GALNT7: variants seen among roughly 807,000 people sequenced by gnomAD.
GALNT7 encodes the protein N-acetylgalactosaminyltransferase 7.
Under a neutral mutation model 82.1 loss-of-function variants are expected in GALNT7, and 60 were observed. The observed-to-expected ratio is 0.73, with a 90% confidence interval of 0.59 to 0.91. The LOEUF is 0.91. Among genes scored for constraint, GALNT7 ranks in the 40% least tolerant of loss-of-function variants. The pLI is 0.00. For missense variants in GALNT7, 660 were observed against 804.2 expected, an observed-to-expected ratio of 0.82 and a Z score of 2.17; for synonymous variants, 243 against 275.1, an observed-to-expected ratio of 0.88 and a Z score of 1.15.
chr4:173,184,248 G>A (rs940850137), intron 1 of GALNT7, among the ~76,000 whole-genome samples: 16 of 152,160 alleles, frequency 1.1e-4, no homozygotes, highest in Admixed American at 5.2e-4. Context: ...CAAGGCAGGC[G>A]GCTGGGAGGT....
At chr4:173,226,622 C>G (rs1278086423) in intron 1 of GALNT7, among the ~76,000 whole-genome samples, 1 of 152,188 alleles carries the variant, frequency 6.6e-6, no homozygotes. Context: ...TCACTCTCAG[C>G]TTGCTGGCTG....
chr4:173,302,029 AGT>A lies in GALNT7; in HGVS notation c.1149-15_1149-14del. ...GGGGTTTGTCTGTAATGGTTATTGCAGTGTTTCTTTTTCTTAGGTCCCCAGCC... is the reference window on the plus strand; with the variant it reads ...GGGGTTTGTCTGTAATGGTTATTGCAGTTTCTTTTTCTTAGGTCCCCAGCC... On this transcript the variant is annotated splice_polypyrimidine_tract_variant and intron_variant, in intron 6 of 11. Transcript: ENST00000265000. This position sits in a 1 kb window ranked among gnomAD's most constrained non-coding sequence, Gnocchi z 4.2. The A allele has an allele frequency of 9.0e-7, 1 of 1,105,818 alleles. No individual in the cohort carries two copies. The highest frequency in any genetic ancestry group is 1.7e-5 in the Admixed American group (1 of 58,494). 68.5% of individuals were successfully genotyped at this position (1,105,818 alleles called of 1,614,324 possible).
intron 1 of GALNT7, among the ~76,000 whole-genome samples, chr4:173,194,629 T>C (rs1732722260): frequency 6.6e-6 from 1 of 152,182 alleles, no homozygotes; most frequent in Admixed American, 6.5e-5. Flanking sequence ...GAGATAAATT[T>C]ATTTATTTAT....
chr4:173,178,952 C>G (rs1732163508), intron 1 of GALNT7, among the ~76,000 whole-genome samples: 1 of 152,096 alleles, frequency 6.6e-6, no homozygotes, highest in South Asian at 2.1e-4. Flanking sequence ...TAATTTTTAC[C>G]AATTCCCTGG....
chr4:173,281,918 C>G (rs1463511597), intron 2 of GALNT7, among the ~76,000 whole-genome samples: 1 of 152,038 alleles, frequency 6.6e-6, no homozygotes, highest in Non-Finnish European at 1.5e-5. Flanking sequence ...AGCGGTTTCT[C>G]GTTGTCTGAA....
chr4:173,255,387 C>T (rs545111080), intron 2 of GALNT7, among the ~76,000 whole-genome samples: 12 of 152,260 alleles, frequency 7.9e-5, no homozygotes, highest in Non-Finnish European at 1.3e-4. Context: ...CCCCTCTCTT[C>T]ATCCCTCTAG....
At chr4:173,210,764 C>T (rs144217956) in intron 1 of GALNT7, among the ~76,000 whole-genome samples, 1 of 152,046 alleles carries the variant, frequency 6.6e-6, no homozygotes, top group Admixed American at 6.6e-5. Flanking sequence ...TGATTTTTGT[C>T]CCATCCTTCT....
At chr4:173,200,420 T>C (rs1045478380) in intron 1 of GALNT7, among the ~76,000 whole-genome samples, 2 of 152,144 alleles carry the variant, frequency 1.3e-5, no homozygotes, top group African/African-American at 4.8e-5. Context: ...TCTTGGATAC[T>C]GCTTTCCAAA....
At chr4:173,310,264 T>G (rs1335085202) in intron 8 of GALNT7, among the ~76,000 whole-genome samples, 3 of 152,212 alleles carry the variant, frequency 2.0e-5, no homozygotes, top group Non-Finnish European at 4.4e-5. Context: ...CCTTCCACTG[T>G]GTTCTCTATT....
chr4:173,174,210 C>A (rs1731964590), intron 1 of GALNT7, among the ~76,000 whole-genome samples: 1 of 152,114 alleles, frequency 6.6e-6, no homozygotes, highest in South Asian at 2.1e-4. Context: ...TCTGAGAAGT[C>A]TGGGGTTTAT....
chr4:173,318,330 A>T, intron 10 of GALNT7, 101 bp from the exon 11 acceptor site: 1 of 816,660 alleles, frequency 1.2e-6, no homozygotes, highest in Non-Finnish European at 2.0e-6. Context: ...AAAATAAGTT[A>T]GTCATTCAAT....
intron 1 of GALNT7, among the ~76,000 whole-genome samples, chr4:173,191,226 A>AT (rs1008324410): frequency 1.3e-4 from 19 of 146,888 alleles, no homozygotes; most frequent in Non-Finnish European, 2.7e-4. Context: ...TGGGGATGGG[A>AT]TGGGGGGGGT....
chr4:173,288,106 A>G (rs1447337903), intron 2 of GALNT7, among the ~76,000 whole-genome samples: 2 of 150,924 alleles, frequency 1.3e-5, no homozygotes, highest in Non-Finnish European at 2.9e-5. Context: ...ACACGGTGAA[A>G]CCCCGTCTCT....
chr4:173,208,230 A>G (rs1029519461), intron 1 of GALNT7, among the ~76,000 whole-genome samples: 1 of 152,162 alleles, frequency 6.6e-6, no homozygotes. Flanking sequence ...GAAAAGTATA[A>G]TCATGCTGTT....
chr4:173,220,312 T>C (rs1733603022), intron 1 of GALNT7, among the ~76,000 whole-genome samples: 1 of 152,180 alleles, frequency 6.6e-6, no homozygotes, highest in Non-Finnish European at 1.5e-5. Context: ...AGTATTTGGC[T>C]TTATTTCTGG....
intron 1 of GALNT7, among the ~76,000 whole-genome samples, chr4:173,246,328 A>G (rs908162826): frequency 6.6e-6 from 1 of 152,208 alleles, no homozygotes; most frequent in Admixed American, 6.5e-5. Context: ...ACCAGTTGTA[A>G]TATCTTACAG....
At chr4:173,219,615 TA>T (rs1326073203) in intron 1 of GALNT7, among the ~76,000 whole-genome samples, 1 of 152,166 alleles carries the variant, frequency 6.6e-6, no homozygotes, top group African/African-American at 2.4e-5. Flanking sequence ...ACCAACAGAG[TA>T]AAAGTGTTCC....
intron 1 of GALNT7, among the ~76,000 whole-genome samples, chr4:173,225,049 AATT>A (rs1227824182): frequency 1.3e-4 from 18 of 142,850 alleles, no homozygotes; most frequent in African/African-American, 3.7e-4. Context: ...TAATAATAAT[AATT>A]ATAATTATAT....
chr4:173,267,630 G>A (rs995577243), intron 2 of GALNT7, among the ~76,000 whole-genome samples: 6 of 152,304 alleles, frequency 3.9e-5, no homozygotes, highest in Admixed American at 1.3e-4. Context: ...AAAATGAGGG[G>A]TGCTGCATGG....
Sources: gnomAD v4.1 joint callset for allele counts (sites outside exome capture counted in the v4.1 genomes callset) on GRCh38, gnomAD v4.1.1 for gene constraint, Gnocchi (gnomAD v3.1) non-coding constraint, MANE v1.5 for transcripts, NCBI Gene and HGNC (gene_info 2026-07-23, HGNC 2026-07-21) for gene names.